The following MACROD2 variants were observed in gnomAD, a reference collection of about 807,000 sequenced individuals.
MACROD2 encodes ADP-ribose glycohydrolase MACROD2.
In MACROD2, 36 loss-of-function variants were observed where a neutral mutation model predicts 70.4. The ratio of observed to expected loss-of-function variants is 0.51; its 90% CI spans 0.39 to 0.68. The LOEUF (loss-of-function observed/expected upper bound fraction) is 0.68. MACROD2 is among the 30% of genes least tolerant of loss of function. The pLI, the probability that MACROD2 is intolerant of heterozygous loss-of-function variation, is 0.00. For missense variants in MACROD2, 496 were observed against 538.4 expected, an observed-to-expected ratio of 0.92 and a Z score of 0.78; for synonymous variants, 172 against 178.8, an observed-to-expected ratio of 0.96 and a Z score of 0.30.
chr20:14,239,771 C>CT (rs748938253), intron 3 of MACROD2, among the ~76,000 whole-genome samples: 27 of 152,158 alleles, frequency 1.8e-4, no homozygotes, highest in Non-Finnish European at 3.8e-4. Context: ...GACACAGGCC[C>CT]TAAAGATTTC....
chr20:15,004,961 C>T (rs563296082), intron 5 of MACROD2, among the ~76,000 whole-genome samples: 2 of 151,858 alleles, frequency 1.3e-5, no homozygotes, highest in African/African-American at 2.4e-5. Context: ...AATATTGTGG[C>T]GAGTAAGGAG....
intron 6 of MACROD2, among the ~76,000 whole-genome samples, chr20:15,308,877 G>C (rs2077724136): frequency 1.3e-5 from 2 of 152,166 alleles, no homozygotes; most frequent in African/African-American, 2.4e-5. Flanking sequence ...ATTTGGGTCA[G>C]ACTGGCTTGA....
At chr20:16,006,882 G>A (rs1016510391) in intron 15 of MACROD2, among the ~76,000 whole-genome samples, 1 of 152,082 alleles carries the variant, frequency 6.6e-6, no homozygotes, top group Non-Finnish European at 1.5e-5. Context: ...TGATTAGAAC[G>A]ACCTCTTTTT....
At chr20:14,177,508 G>T (rs1406443432) in intron 3 of MACROD2, among the ~76,000 whole-genome samples, 1 of 151,976 alleles carries the variant, frequency 6.6e-6, no homozygotes, top group African/African-American at 2.4e-5. Flanking sequence ...TAGAGACGGG[G>T]TTTCTTCTTA....
chr20:14,550,720 G>A (rs1445090689), intron 4 of MACROD2, among the ~76,000 whole-genome samples: 2 of 152,202 alleles, frequency 1.3e-5, no homozygotes, highest in Non-Finnish European at 2.9e-5. Context: ...AGCATTTATA[G>A]TTTACATCTA....
chr20:15,187,211 C>A (rs2076540065), intron 5 of MACROD2, among the ~76,000 whole-genome samples: 1 of 152,132 alleles, frequency 6.6e-6, no homozygotes. Flanking sequence ...GACTGTGTGA[C>A]TTTAGGCAAA....
At chr20:15,452,503 T>C (rs2046657038) in intron 7 of MACROD2, among the ~76,000 whole-genome samples, 1 of 152,204 alleles carries the variant, frequency 6.6e-6, no homozygotes, top group African/African-American at 2.4e-5. Flanking sequence ...TTGTAAAAGC[T>C]GTGTAATGAA....
chr20:16,047,839 CT>C (rs1667328392), intron 17 of MACROD2, among the ~76,000 whole-genome samples: 1 of 152,198 alleles, frequency 6.6e-6, no homozygotes. Flanking sequence ...TAATGCCCAC[CT>C]TGGACCTTGA....
chr20:14,667,670 A>G (rs1002087308), intron 4 of MACROD2, among the ~76,000 whole-genome samples: 1 of 152,136 alleles, frequency 6.6e-6, no homozygotes, highest in African/African-American at 2.4e-5. Context: ...TAAAAAGAAA[A>G]TAGACATTTC....
rs1021563937 is a variant in MACROD2 at position 13,996,401 on chromosome 20, C to T, written c.46+592C>T. Reference sequence around the variant, plus strand: ...TTGAAACCTGGAACTCTAGGGGAGCCCTAAAACGAGCGTGTTGTCCGTGAG... The same window carrying T: ...TTGAAACCTGGAACTCTAGGGGAGCTCTAAAACGAGCGTGTTGTCCGTGAG... On this transcript the variant is annotated intron_variant, in intron 1 of 17. Coordinates refer to ENST00000684519, the MANE Select transcript of MACROD2 (RefSeq NM_001351661.2). 2.2e-4 allele frequency: 35 copies of T among 158,586 alleles called. 1 individual carries two copies. Among genetic ancestry groups the T allele is most frequent in the Admixed American group, 5.2e-4 (8 of 15,324 alleles). The allele number at this position is 158,586 out of a possible 1,614,324, so 9.8% of individuals were successfully genotyped here.
intron 5 of MACROD2, among the ~76,000 whole-genome samples, chr20:15,103,623 G>T (rs895762402): frequency 6.6e-6 from 1 of 152,146 alleles, no homozygotes; most frequent in Non-Finnish European, 1.5e-5. Flanking sequence ...ACAAGCTCCT[G>T]AGTGAGTTCT....
At position 14,477,123 on chromosome 20, in the gene MACROD2, A is replaced by G. The variant is rs569508514; in HGVS notation, c.272-16356A>G. Among the ~76,000 whole-genome samples, 23 of 152,292 alleles carry G rather than the reference A, an allele frequency of 1.5e-4. No individual in the cohort carries two copies. In the East Asian group the frequency reaches 3.7e-3, roughly 24 times the overall value. Reference sequence around the variant, plus strand: ...GAAGGGGACTGGACAGAGTTTGGCTACTGGAAGGGCCTGGTAAGTAGCATT... The same window carrying G: ...GAAGGGGACTGGACAGAGTTTGGCTGCTGGAAGGGCCTGGTAAGTAGCATT... On this transcript the variant is annotated intron_variant, in intron 3 of 17. Transcript: ENST00000684519.
chr20:14,465,180 G>T (rs1440496625), intron 3 of MACROD2, among the ~76,000 whole-genome samples: 1 of 152,036 alleles, frequency 6.6e-6, no homozygotes, highest in East Asian at 1.9e-4. Context: ...AAGTCTCTTT[G>T]TAGGTCATTC....
At chr20:15,071,138 G>A (rs556149095) in intron 5 of MACROD2, among the ~76,000 whole-genome samples, 1 of 152,288 alleles carries the variant, frequency 6.6e-6, no homozygotes, top group East Asian at 1.9e-4. Context: ...TACAACAATT[G>A]TGGAAGTTTT....
At chr20:14,866,990 C>T (rs529259887) in intron 5 of MACROD2, among the ~76,000 whole-genome samples, 2 of 152,108 alleles carry the variant, frequency 1.3e-5, no homozygotes, top group South Asian at 4.2e-4. Flanking sequence ...GTAATTTTCC[C>T]CCCTGCCTGT....
At chr20:15,276,738 A>G (rs1411274570) in intron 6 of MACROD2, among the ~76,000 whole-genome samples, 1 of 152,230 alleles carries the variant, frequency 6.6e-6, no homozygotes. Context: ...CACAGAAAAT[A>G]AAAGATAGCA....
intron 5 of MACROD2, among the ~76,000 whole-genome samples, chr20:14,942,861 T>C (rs2074401863): frequency 6.6e-6 from 1 of 152,196 alleles, no homozygotes; most frequent in Non-Finnish European, 1.5e-5. Flanking sequence ...CACTGTGCCT[T>C]CTATCCTGAC....
intron 5 of MACROD2, among the ~76,000 whole-genome samples, chr20:14,981,270 T>A (rs759005665): frequency 1.3e-5 from 2 of 152,098 alleles, no homozygotes; most frequent in Non-Finnish European, 2.9e-5. Flanking sequence ...TAAATCCCTG[T>A]TCCCAGCTTT....
At chr20:14,119,906 T>C (rs879299878) in intron 3 of MACROD2, among the ~76,000 whole-genome samples, 1 of 151,930 alleles carries the variant, frequency 6.6e-6, no homozygotes, top group Non-Finnish European at 1.5e-5. Context: ...GAACAGACAC[T>C]TCTCGAAAGA....
Sources: gnomAD v4.1 joint callset for allele counts (sites outside exome capture counted in the v4.1 genomes callset) on GRCh38, gnomAD v4.1.1 for gene constraint, MANE v1.5 for transcripts, NCBI Gene and HGNC (gene_info 2026-07-23, HGNC 2026-07-21) for gene names.